SH3RF1: variants seen among roughly 807,000 people sequenced by gnomAD.
SH3RF1 encodes the protein SH3 domain containing ring finger 1.
A neutral mutation model predicts 74.0 loss-of-function variants in SH3RF1; 32 were observed. The observed-to-expected ratio is 0.43, with a 90% CI of 0.33 to 0.58. The LOEUF (loss-of-function observed/expected upper bound fraction) is 0.58. Ranked by LOEUF, SH3RF1 falls within the 20% of genes least tolerant of loss-of-function variation. The probability of loss-of-function intolerance (pLI) is 0.05; values close to 1 mark genes in which losing one functional copy is unlikely to be tolerated. For synonymous variants in SH3RF1, 396 were observed against 439.6 expected, an observed-to-expected ratio of 0.90 and a Z score of 1.24; for missense variants, 954 against 1,130.9, an observed-to-expected ratio of 0.84 and a Z score of 2.24.
intron 4 of SH3RF1, among the ~76,000 whole-genome samples, chr4:169,139,944 A>C (rs1733757539): frequency 6.6e-6 from 1 of 152,142 alleles, no homozygotes. Flanking sequence ...TAAATGGACA[A>C]GTTTCATTTT....
intron 2 of SH3RF1, among the ~76,000 whole-genome samples, chr4:169,238,411 C>T (rs189213540): frequency 3.9e-5 from 6 of 152,348 alleles, no homozygotes; most frequent in African/African-American, 9.6e-5. Context: ...CTGCCACAGA[C>T]ACTCTGCTGC....
chr4:169,164,051 C>T (rs1734192950), intron 2 of SH3RF1, among the ~76,000 whole-genome samples: 1 of 152,180 alleles, frequency 6.6e-6, no homozygotes, highest in African/African-American at 2.4e-5. Context: ...GAAGCTTCTC[C>T]CAACCTTCCT....
At chr4:169,184,106 T>C (rs182803527) in intron 2 of SH3RF1, among the ~76,000 whole-genome samples, 2 of 152,336 alleles carry the variant, frequency 1.3e-5, no homozygotes, top group East Asian at 3.9e-4. Context: ...CATGAATGCA[T>C]GGACTGCTCT....
intron 2 of SH3RF1, among the ~76,000 whole-genome samples, chr4:169,262,233 T>C (rs1284106406): frequency 1.3e-5 from 2 of 152,196 alleles, no homozygotes; most frequent in African/African-American, 4.8e-5. Context: ...ACTATATGCA[T>C]ACACATATAA....
intron 2 of SH3RF1, among the ~76,000 whole-genome samples, chr4:169,213,107 C>T (rs116651866): frequency 0.014 from 2,086 of 152,276 alleles, 47 homozygotes; most frequent in African/African-American, 0.047. Flanking sequence ...TAAGAGACTG[C>T]CAAATTGTCT....
chr4:169,217,567 A>C (rs1328783564), intron 2 of SH3RF1: 3 of 152,252 alleles, frequency 2.0e-5, no homozygotes, highest in Non-Finnish European at 1.5e-5. Context: ...GAAAAGCCTA[A>C]ACCTGAAAGG....
At chr4:169,112,853 G>A (rs945017091) in intron 10 of SH3RF1, among the ~76,000 whole-genome samples, 3 of 152,226 alleles carry the variant, frequency 2.0e-5, no homozygotes, top group Non-Finnish European at 4.4e-5. Flanking sequence ...CGCTGTGGAG[G>A]ATGGTGGTTC....
At chr4:169,268,199 T>C (rs1731384873) in intron 2 of SH3RF1, among the ~76,000 whole-genome samples, 1 of 152,176 alleles carries the variant, frequency 6.6e-6, no homozygotes, top group South Asian at 2.1e-4. Context: ...TGGAAATACT[T>C]CATTTCATTC....
intron 2 of SH3RF1, among the ~76,000 whole-genome samples, chr4:169,240,150 A>G (rs913676154): frequency 4.6e-5 from 7 of 152,208 alleles, no homozygotes; most frequent in Non-Finnish European, 7.3e-5. Flanking sequence ...TCAAAAGTCA[A>G]TTAAAACTTC....
At chr4:169,112,711 C>T (rs1733261999) in intron 10 of SH3RF1, among the ~76,000 whole-genome samples, 1 of 152,012 alleles carries the variant, frequency 6.6e-6, no homozygotes, top group African/African-American at 2.4e-5. Context: ...ATAACGTGGC[C>T]CATAGCAATT....
At chr4:169,266,535 T>C (rs995989127) in intron 2 of SH3RF1, among the ~76,000 whole-genome samples, 2 of 151,136 alleles carry the variant, frequency 1.3e-5, no homozygotes, top group African/African-American at 4.9e-5. Flanking sequence ...TTGAACTATA[T>C]GTATGGCCCT....
intron 2 of SH3RF1, among the ~76,000 whole-genome samples, chr4:169,237,616 C>G (rs1173274843): frequency 6.6e-6 from 1 of 152,114 alleles, no homozygotes; most frequent in Non-Finnish European, 1.5e-5. Context: ...ATCACAGGTA[C>G]AGTAAACAAA....
chr4:169,196,058 C>T (rs1186425533), intron 2 of SH3RF1, among the ~76,000 whole-genome samples: 2 of 152,320 alleles, frequency 1.3e-5, no homozygotes, highest in African/African-American at 4.8e-5. Context: ...AGGTGACCCA[C>T]TCACCTTTGG....
At chr4:169,131,814 T>C (rs1733625457) in intron 5 of SH3RF1, among the ~76,000 whole-genome samples, 1 of 152,250 alleles carries the variant, frequency 6.6e-6, no homozygotes, top group African/African-American at 2.4e-5. Flanking sequence ...GATTGGTTGC[T>C]GTCCTCAACC....
At chr4:169,163,062 C>CG (rs1734175770) in intron 2 of SH3RF1, among the ~76,000 whole-genome samples, 1 of 148,452 alleles carries the variant, frequency 6.7e-6, no homozygotes, top group Non-Finnish European at 1.5e-5. Context: ...TGCTGTTTTG[C>CG]GGGGGGCATT....
rs1733355437 is a variant in SH3RF1 at position 169,117,470 on chromosome 4, T to C, written c.1777+53A>G. ...AACATCTGTCATAAAAGATCTACTATTAGGCAGGTAAGCCCTTTATCCTGA... is the reference window on the plus strand; with the variant it reads ...AACATCTGTCATAAAAGATCTACTACTAGGCAGGTAAGCCCTTTATCCTGA... On this transcript the variant is annotated intron_variant, in intron 9 of 11. Transcript: ENST00000284637. 7 of 1,591,500 alleles carry C rather than the reference T, an allele frequency of 4.4e-6. No homozygotes were observed. In the South Asian group the frequency reaches 7.8e-5, roughly 18 times the overall value.
At chr4:169,259,859 TATA>T (rs1186776967) in intron 2 of SH3RF1, among the ~76,000 whole-genome samples, 1 of 152,232 alleles carries the variant, frequency 6.6e-6, no homozygotes, top group Admixed American at 6.5e-5. Flanking sequence ...TACATCTCAC[TATA>T]ATATTTGTGC....
intron 2 of SH3RF1, among the ~76,000 whole-genome samples, chr4:169,191,840 G>A (rs974197460): frequency 6.6e-6 from 1 of 152,140 alleles, no homozygotes; most frequent in Non-Finnish European, 1.5e-5. Flanking sequence ...CTGGCCACAG[G>A]TAGGAGAATG....
intron 3 of SH3RF1, 140 bp from the exon 4 acceptor site, chr4:169,155,715 T>C (rs878897631): frequency 2.1e-5 from 14 of 651,460 alleles, no homozygotes; most frequent in South Asian, 1.5e-4. Flanking sequence ...CTTTAGTACA[T>C]GGATTAAATG....
Sources: allele counts gnomAD v4.1 joint callset (sites outside exome capture counted in the v4.1 genomes callset), GRCh38; gene constraint gnomAD v4.1.1; transcripts MANE v1.5; gene names NCBI Gene and HGNC (gene_info 2026-07-23, HGNC 2026-07-21).